The following HPSE2 variants were observed in gnomAD, a reference collection of about 807,000 sequenced individuals.
HPSE2 encodes inactive heparanase-2.
A neutral mutation model predicts 60.5 loss-of-function variants in HPSE2; 38 were observed. The observed-to-expected ratio is 0.63, with a 90% CI of 0.48 to 0.82. The LOEUF (loss-of-function observed/expected upper bound fraction) is 0.82, where lower values mean the gene tolerates loss of function less well. Among genes scored for constraint, HPSE2 ranks in the 40% least tolerant of loss-of-function variants. HPSE2 has a pLI of 0.00. For synonymous variants in HPSE2, 295 were observed against 293.2 expected (o/e 1.01, Z -0.06); for missense variants, 713 against 740.4 (o/e 0.96, Z 0.43).
chr10:99,232,320 A>G, intron 2 of HPSE2, 28 bp downstream of exon 2: 1 of 1,551,314 alleles, frequency 6.4e-7, no homozygotes, highest in Non-Finnish European at 8.7e-7. Flanking sequence ...CCGCTCCCCA[A>G]ATAAAGAATG....
chr10:99,150,496 T>A (rs1449635951), intron 2 of HPSE2, among the ~76,000 whole-genome samples: 1 of 152,168 alleles, frequency 6.6e-6, no homozygotes, highest in Admixed American at 6.5e-5. Context: ...ATTTTAAAAA[T>A]TTTTTGTAGA....
chr10:98,788,542 G>C (rs1239937140), intron 3 of HPSE2, among the ~76,000 whole-genome samples: 14 of 151,564 alleles, frequency 9.2e-5, no homozygotes. Context: ...CCCTCCCCCA[G>C]CCTCGTTGCC....
At chr10:99,187,997 G>A (rs1180832269) in intron 2 of HPSE2, among the ~76,000 whole-genome samples, 2 of 152,136 alleles carry the variant, frequency 1.3e-5, no homozygotes, top group Non-Finnish European at 2.9e-5. Flanking sequence ...CCATCAGGTG[G>A]TAAATGGATA....
intron 9 of HPSE2, among the ~76,000 whole-genome samples, chr10:98,525,751 T>C (rs1254657191): frequency 6.6e-6 from 1 of 152,182 alleles, no homozygotes; most frequent in African/African-American, 2.4e-5. Context: ...TTGGGGGGCA[T>C]GTAACTCAGA....
intron 6 of HPSE2, among the ~76,000 whole-genome samples, chr10:98,685,428 T>C (rs1034447683): frequency 1.3e-5 from 2 of 152,206 alleles, no homozygotes; most frequent in Non-Finnish European, 2.9e-5. Context: ...TCTCAATTTG[T>C]ATCCCTACCC....
chr10:98,606,704 AT>A (rs966616068), intron 9 of HPSE2, among the ~76,000 whole-genome samples: 48 of 152,338 alleles, frequency 3.2e-4, no homozygotes, highest in African/African-American at 1.1e-3. Flanking sequence ...TGACTGACAG[AT>A]TTTTTTAAAA....
chr10:98,739,744 ATAAT>A (rs1374114718), intron 4 of HPSE2, among the ~76,000 whole-genome samples: 1 of 152,226 alleles, frequency 6.6e-6, no homozygotes, highest in African/African-American at 2.4e-5. Context: ...TATTGATTCA[ATAAT>A]TAATTATAGT....
the HPSE2 span, among the ~76,000 whole-genome samples, chr10:99,268,709 T>C: frequency 1.3e-5 from 2 of 151,038 alleles, no homozygotes; most frequent in East Asian, 1.9e-4. Flanking sequence ...ATAAATAAAT[T>C]GATTAATTAA....
intron 3 of HPSE2, among the ~76,000 whole-genome samples, chr10:98,915,743 T>C (rs1954102937): frequency 6.6e-6 from 1 of 151,770 alleles, no homozygotes; most frequent in Non-Finnish European, 1.5e-5. Flanking sequence ...AGAAGAAAAA[T>C]AAAGAGAGCA....
intron 3 of HPSE2, among the ~76,000 whole-genome samples, chr10:98,755,822 C>T (rs887806190): frequency 6.6e-6 from 1 of 151,868 alleles, no homozygotes; most frequent in Admixed American, 6.6e-5. Context: ...ATGGTGAAAC[C>T]CCATCTCTAT....
At chr10:98,694,707 G>A (rs150452428) in intron 5 of HPSE2, among the ~76,000 whole-genome samples, 22 of 152,182 alleles carry the variant, frequency 1.4e-4, no homozygotes, top group African/African-American at 5.3e-4. Flanking sequence ...GATGACACAG[G>A]GTCTCTCATA....
rs1334137864 is a variant in HPSE2, at chr10:99,154,895, G to A, written c.449-10496C>T. Among the ~76,000 whole-genome samples, 705 of 151,998 alleles carry A rather than the reference G, an allele frequency of 4.6e-3. 5 individuals are homozygous for A. Among genetic ancestry groups the A allele is most frequent in the African/African-American group, 0.016 (672 of 41,374 alleles). On this transcript the variant is annotated intron_variant, in intron 2 of 11. Transcript: ENST00000370552. The stretch of plus-strand genomic sequence containing the variant: ...GAGACACACATAGGCTCAAAATAAA[G>A]GGATGGAGGAAGATCTACCAAGCAA...
At chr10:98,645,610 T>A (rs1273027215) in intron 6 of HPSE2, among the ~76,000 whole-genome samples, 1 of 152,236 alleles carries the variant, frequency 6.6e-6, no homozygotes, top group Non-Finnish European at 1.5e-5. Context: ...TAAACCCACA[T>A]TTATATTGTA....
chr10:98,646,950 T>C (rs1414112013), intron 6 of HPSE2, among the ~76,000 whole-genome samples: 1 of 152,152 alleles, frequency 6.6e-6, no homozygotes, highest in Non-Finnish European at 1.5e-5. Flanking sequence ...TAAATAAACA[T>C]AAAATTTCCC....
intron 9 of HPSE2, among the ~76,000 whole-genome samples, chr10:98,523,217 A>C (rs1942856883): frequency 6.6e-6 from 1 of 152,188 alleles, no homozygotes; most frequent in Non-Finnish European, 1.5e-5. Context: ...TTGCCAATTT[A>C]TATTCTTATG....
intron 3 of HPSE2, among the ~76,000 whole-genome samples, chr10:99,093,589 G>A (rs1183112948): frequency 6.6e-6 from 1 of 152,110 alleles, no homozygotes; most frequent in African/African-American, 2.4e-5. Flanking sequence ...TTCCAAGATG[G>A]TGCCTTGCAT....
At chr10:98,509,095 C>T (rs1036559574) in intron 9 of HPSE2, among the ~76,000 whole-genome samples, 4 of 152,062 alleles carry the variant, frequency 2.6e-5, no homozygotes, top group Non-Finnish European at 5.9e-5. Context: ...GCGGGTGCAT[C>T]AAAAGGTCAA....
intron 3 of HPSE2, among the ~76,000 whole-genome samples, chr10:99,031,418 G>A (rs1957496888): frequency 6.6e-6 from 1 of 152,044 alleles, no homozygotes; most frequent in Non-Finnish European, 1.5e-5. Context: ...TTTTTACTAG[G>A]TCCTAGAGGA....
At chr10:99,274,779 T>TG in the HPSE2 span, among the ~76,000 whole-genome samples, 1 of 152,342 alleles carries the variant, frequency 6.6e-6, no homozygotes, top group Non-Finnish European at 1.5e-5. Flanking sequence ...TGCAGCTGTC[T>TG]GAAAAATAAC....
Sources: allele counts gnomAD v4.1 joint callset (sites outside exome capture counted in the v4.1 genomes callset), GRCh38; gene constraint gnomAD v4.1.1; transcripts MANE v1.5; gene names NCBI Gene and HGNC (gene_info 2026-07-23, HGNC 2026-07-21).